PAPPA: variants seen among roughly 807,000 people sequenced by gnomAD.
PAPPA encodes the protein pappalysin 1.
PAPPA carries 60 observed loss-of-function variants against 164.0 expected under a neutral mutation model. The observed-to-expected ratio is 0.37, with a 90% CI of 0.30 to 0.45. The LOEUF is 0.45. Among genes scored for constraint, PAPPA ranks in the 20% least tolerant of loss-of-function variants. PAPPA has a pLI of 1.00. For missense variants in PAPPA, 1,782 were observed against 2,087.3 expected, an observed-to-expected ratio of 0.85 and a Z score of 2.85; for synonymous variants, 875 against 814.1, an observed-to-expected ratio of 1.07 and a Z score of -1.27.
intron 7 of PAPPA, among the ~76,000 whole-genome samples, chr9:116,256,505 G>C (rs556811369): frequency 6.6e-6 from 1 of 151,890 alleles, no homozygotes; most frequent in South Asian, 2.1e-4. Context: ...CAAGAGTTTT[G>C]CTGAAAGGTT....
intron 1 of PAPPA, among the ~76,000 whole-genome samples, chr9:116,174,249 G>A (rs1171172573): frequency 6.6e-6 from 1 of 152,166 alleles, no homozygotes; most frequent in Non-Finnish European, 1.5e-5. Flanking sequence ...CACCAGCCCT[G>A]CAAAGTGGAG....
rs1363210286 is a variant in PAPPA at position 116,368,727 on chromosome 9, C to A, written c.4605+973C>A. On this transcript the variant is annotated intron_variant, in intron 19 of 21. Coordinates refer to ENST00000328252, the MANE Select transcript of PAPPA (RefSeq NM_002581.5). Reference sequence around the variant, plus strand: ...CCGGGGTTGCGGGGTGGGCGAGGTTCAGCTCTGTGTCTCTCCAACCAGCCT... The same window carrying A: ...CCGGGGTTGCGGGGTGGGCGAGGTTAAGCTCTGTGTCTCTCCAACCAGCCT... Among the ~76,000 whole-genome samples, 4 of 152,216 alleles carry A rather than the reference C, an allele frequency of 2.6e-5. No homozygotes were observed. The East Asian group carries it at 7.7e-4, about 29-fold the overall frequency.
intron 6 of PAPPA, among the ~76,000 whole-genome samples, chr9:116,228,510 A>G (rs1844545412): frequency 6.6e-6 from 1 of 152,232 alleles, no homozygotes; most frequent in Non-Finnish European, 1.5e-5. Context: ...AGAAAAAGCC[A>G]GAGATAGAAT....
intron 10 of PAPPA, among the ~76,000 whole-genome samples, chr9:116,311,573 C>A (rs749898641): frequency 6.6e-6 from 1 of 152,122 alleles, no homozygotes; most frequent in Non-Finnish European, 1.5e-5. Context: ...GAAGCATAAG[C>A]TTTAAAGCCA....
At chr9:116,212,407 TTCCCTTTA>T in intron 4 of PAPPA, among the ~76,000 whole-genome samples, 1 of 152,206 alleles carries the variant, frequency 6.6e-6, no homozygotes, top group East Asian at 1.9e-4. Context: ...TGCCCTGCAC[TTCCCTTTA>T]GCATGGGATA....
At chr9:116,259,148 T>A (rs1844971531) in intron 7 of PAPPA, among the ~76,000 whole-genome samples, 1 of 151,130 alleles carries the variant, frequency 6.6e-6, no homozygotes, top group Non-Finnish European at 1.5e-5. Context: ...ATAATAATAG[T>A]AAATAATAAT....
Position 116,335,042 on chromosome 9 carries a change from G to C in PAPPA, c.3579G>C (p.Gln1193His). ...ACCCCGTCACCCTGAGCAGCTGCCA[G>C]AGAGGGGAGACCTACAGCCCTGCCG... ...NFDPVTLSSC[Q>H]RGETYSPAEQ... The change falls in exon 13 of 22, where the codon CAG becomes CAC. Residue 1193 changes from glutamine (Q) to histidine (H), a missense_variant. Gln to His is a conservative substitution (Grantham distance 24, BLOSUM62 0). Around this residue, in one of 2 missense-constraint regions of PAPPA, gnomAD observed 1,324 missense variants for 1,656.9 expected, o/e 0.80. Transcript: ENST00000328252. The C allele has an allele frequency of 3.1e-6, 5 of 1,613,616 alleles. No individual in the cohort carries two copies. The highest frequency in any genetic ancestry group is 4.2e-6 in the Non-Finnish European group (5 of 1,179,990).
rs778726544 is a variant in PAPPA at position 116,332,393 on chromosome 9, A to T, written c.3322A>T (p.Thr1108Ser). The T allele has an allele frequency of 3.1e-6, 5 of 1,613,878 alleles. No individual in the cohort carries two copies. Among genetic ancestry groups the T allele is most frequent in the Non-Finnish European group, 4.2e-6 (5 of 1,179,870 alleles). Residue 1108 changes from threonine to serine, a missense_variant, in exon 12 of 22, where the codon ACA becomes TCA. Transcript: ENST00000328252. ...CATTGTCCACCTGGTGACGGATGGG[A>T]CATATTATGGGGACCAAAAGCAGGA... The part of the protein sequence containing the change: ...AVIVHLVTDG[T>S]YYGDQKQETI...
At chr9:116,229,699 A>G (rs1424898030) in intron 6 of PAPPA, among the ~76,000 whole-genome samples, 1 of 152,208 alleles carries the variant, frequency 6.6e-6, no homozygotes, top group Non-Finnish European at 1.5e-5. Flanking sequence ...CCTGCATGTC[A>G]TAAAGATTGC....
chr9:116,253,542 G>A (rs967988201), intron 7 of PAPPA, among the ~76,000 whole-genome samples: 5 of 152,052 alleles, frequency 3.3e-5, no homozygotes, highest in African/African-American at 1.2e-4. Context: ...AATACTTTCT[G>A]TCTCAGATCC....
intron 10 of PAPPA, among the ~76,000 whole-genome samples, chr9:116,307,078 G>A (rs1845655922): frequency 6.6e-6 from 1 of 152,178 alleles, no homozygotes; most frequent in Non-Finnish European, 1.5e-5. Flanking sequence ...AGTGCCTTGT[G>A]ATATAAGAAG....
chr9:116,205,766 C>A (rs1844227546), intron 2 of PAPPA, among the ~76,000 whole-genome samples: 1 of 152,164 alleles, frequency 6.6e-6, no homozygotes, highest in African/African-American at 2.4e-5. Context: ...TATTAACTAC[C>A]TTAACCCTCT....
intron 4 of PAPPA, among the ~76,000 whole-genome samples, chr9:116,215,498 AC>A (rs144796304): frequency 0.02 from 2,982 of 152,274 alleles, 97 homozygotes; most frequent in African/African-American, 0.067. Flanking sequence ...AGAATAGAAA[AC>A]CAAACACCAC....
At chr9:116,350,423 C>T (rs961777018) in intron 15 of PAPPA, among the ~76,000 whole-genome samples, 2 of 152,146 alleles carry the variant, frequency 1.3e-5, no homozygotes, top group Admixed American at 6.5e-5. Flanking sequence ...TATCCATGGT[C>T]CTGAATCACC....
intron 1 of PAPPA, among the ~76,000 whole-genome samples, chr9:116,180,955 G>A (rs979948696): frequency 6.6e-6 from 1 of 152,196 alleles, no homozygotes; most frequent in Non-Finnish European, 1.5e-5. Flanking sequence ...TATTGTAGCA[G>A]ATTGCTGTGA....
rs550217218 is a variant in PAPPA at position 116,400,594 on chromosome 9, C to T, written c.*3978C>T. 10 of 152,290 alleles carry T rather than the reference C, an allele frequency of 6.6e-5. No homozygotes were observed. The highest frequency in any genetic ancestry group is 2.2e-4 in the African/African-American group (9 of 41,560). The allele number at this position is 152,290 out of a possible 1,614,324, so 9.4% of individuals were successfully genotyped here. A position where few individuals can be genotyped will look rare whatever the true frequency, so the allele number is the denominator to read the frequency against. Reference sequence around the variant, plus strand: ...AAAGACTGCACTCAGAACCACACTGCACAGTCCAGTTTTTTAAAAAGCTGC... The same window carrying T: ...AAAGACTGCACTCAGAACCACACTGTACAGTCCAGTTTTTTAAAAAGCTGC... On this transcript the variant is annotated 3_prime_UTR_variant, in exon 22 of 22. Coordinates refer to ENST00000328252, the MANE Select transcript of PAPPA (RefSeq NM_002581.5).
intron 19 of PAPPA, chr9:116,373,766 G>A (rs958588693): frequency 2.0e-5 from 3 of 152,102 alleles, no homozygotes; most frequent in Admixed American, 2.0e-4. Context: ...GGAGATTATG[G>A]CGTTCAAAGC....
chr9:116,308,671 T>G (rs1049163800), intron 10 of PAPPA, among the ~76,000 whole-genome samples: 2 of 152,226 alleles, frequency 1.3e-5, no homozygotes, highest in Non-Finnish European at 2.9e-5. Flanking sequence ...TTTGCATCTT[T>G]TAATATGTGG....
rs756562918 is a variant in PAPPA at position 116,187,844 on chromosome 9, C to T, written c.1106C>T (p.Thr369Met). 43 of 1,614,074 alleles carry T rather than the reference C, an allele frequency of 2.7e-5. No homozygotes were observed. The Middle Eastern group carries it at 9.9e-4, about 37-fold the overall frequency. The change falls in exon 2 of 22, where the codon ACG becomes ATG. Residue 369 changes from threonine to methionine, a missense_variant. Physicochemically the swap from Thr to Met is moderately conservative, Grantham distance 81. This residue lies in a region of PAPPA where 1,324 missense variants were observed against 1,656.9 expected (regional missense o/e 0.80). Coordinates refer to ENST00000328252, the MANE Select transcript of PAPPA (RefSeq NM_002581.5). This position sits in a 1 kb window ranked among gnomAD's most constrained non-coding sequence, Gnocchi z 4.2. ...TATGAAGATGATCATAAGAACCCGA[C>T]GGTGACGCGCGAGCAGGTGGACTTC... The part of the protein sequence containing the change: ...NLYEDDHKNP[T>M]VTREQVDFQH...
Sources: allele counts gnomAD v4.1 joint callset (sites outside exome capture counted in the v4.1 genomes callset), GRCh38; gene constraint gnomAD v4.1.1; regional missense constraint gnomAD v4.1.1; non-coding constraint Gnocchi (gnomAD v3.1); transcripts MANE v1.5; gene names NCBI Gene and HGNC (gene_info 2026-07-23, HGNC 2026-07-21).